Variants in ABCC1 observed in about 807,000 individuals in gnomAD.
ABCC1 encodes the protein multidrug resistance-associated protein 1.
Under a neutral mutation model 172.9 loss-of-function variants are expected in ABCC1, and 83 were observed. The observed-to-expected ratio is 0.48, with a 90% confidence interval of 0.40 to 0.58. ABCC1 has a LOEUF of 0.58. Among genes scored for constraint, ABCC1 ranks in the 20% least tolerant of loss-of-function variants. The pLI is 0.00. For missense variants in ABCC1, 1,817 were observed against 2,002.7 expected (o/e 0.91, Z 1.77); for synonymous variants, 937 against 825.2 (o/e 1.14, Z -2.32).
At chr16:15,963,616 A>T (rs2046184046) in intron 1 of ABCC1, among the ~76,000 whole-genome samples, 1 of 152,168 alleles carries the variant, frequency 6.6e-6, no homozygotes, top group Non-Finnish European at 1.5e-5. Context: ...TACCACATGG[A>T]AGCTGCCGAG....
chr16:15,983,757 T>C (rs2046682946), intron 1 of ABCC1, among the ~76,000 whole-genome samples: 1 of 144,932 alleles, frequency 6.9e-6, no homozygotes, highest in Non-Finnish European at 1.5e-5. Flanking sequence ...GGTTTCATCA[T>C]GTTGGCCAGG....
At chr16:16,137,545 C>CTTTTTT (rs151237296) in intron 29 of ABCC1, among the ~76,000 whole-genome samples, 1 of 56,682 alleles carries the variant, frequency 1.8e-5, no homozygotes, top group African/African-American at 5.8e-5. Flanking sequence ...GGTATGAGGC[C>CTTTTTT]TTTTTTTTTT....
At chr16:16,109,604 C>G (rs1299220592) in intron 21 of ABCC1, among the ~76,000 whole-genome samples, 1 of 152,188 alleles carries the variant, frequency 6.6e-6, no homozygotes, top group Non-Finnish European at 1.5e-5. Context: ...TGGCCTAAAG[C>G]AGATTGCCCT....
intron 13 of ABCC1, among the ~76,000 whole-genome samples, chr16:16,071,261 T>TTA (rs1555493161): frequency 1.0e-5 from 1 of 95,426 alleles, no homozygotes; most frequent in African/African-American, 5.0e-5. Context: ...ATTTTATGTA[T>TTA]TTTTTTTTTT....
intron 19 of ABCC1, among the ~76,000 whole-genome samples, chr16:16,090,952 A>G (rs1348078436): frequency 6.6e-6 from 1 of 152,092 alleles, no homozygotes; most frequent in East Asian, 1.9e-4. Context: ...CGGGGCTGAG[A>G]GAAACTGAGG....
In ABCC1 at chr16:16,020,728, T is replaced by C. The variant is rs575279987; in HGVS notation, c.615+4107T>C. On this transcript the variant is annotated intron_variant, in intron 5 of 30. Coordinates refer to ENST00000399410, the MANE Select transcript of ABCC1 (RefSeq NM_004996.4). The stretch of plus-strand genomic sequence containing the variant: ...TCCATTTGCAGGCATTCTTTCTTCC[T>C]ATGCAAGGCAAGGACGGGAATCGAC... Among the ~76,000 whole-genome samples the C allele has an allele frequency of 2.6e-5, 4 of 152,326 alleles. 1 individual carries two copies. The South Asian group carries it at 8.3e-4, about 32-fold the overall frequency.
At chr16:15,971,795 C>G (rs61688128) in intron 1 of ABCC1, among the ~76,000 whole-genome samples, 1 of 151,980 alleles carries the variant, frequency 6.6e-6, no homozygotes, top group African/African-American at 2.4e-5. Flanking sequence ...CAAAATGATA[C>G]GGCTCCGATG....
chr16:16,085,975 G>A lies in ABCC1; in HGVS notation c.2293-849G>A, dbSNP rs987327314. Among the ~76,000 whole-genome samples, 6 of 152,216 alleles carry A rather than the reference G, an allele frequency of 3.9e-5. 1 individual carries two copies. The highest frequency in any genetic ancestry group is 4.4e-5 in the Non-Finnish European group (3 of 68,048). On this transcript the variant is annotated intron_variant, in intron 17 of 30. Transcript: ENST00000399410. ...TGTCCTTCCTCCTGGTGACTGGGAT[G>A]TGGGCTGGATTTCAGCATCCCCAGG...
intron 7 of ABCC1, among the ~76,000 whole-genome samples, chr16:16,043,647 G>T (rs1236292509): frequency 6.6e-6 from 1 of 151,426 alleles, no homozygotes; most frequent in Non-Finnish European, 1.5e-5. Context: ...TGTCACCCAG[G>T]CTGGAGTGCA....
intron 12 of ABCC1, among the ~76,000 whole-genome samples, chr16:16,058,292 T>C (rs2049758206): frequency 6.6e-6 from 1 of 152,234 alleles, no homozygotes; most frequent in Non-Finnish European, 1.5e-5. Context: ...TTGTTTTTTC[T>C]TTCTGTCTTT....
chr16:16,033,808 G>A (rs976729738), intron 6 of ABCC1, among the ~76,000 whole-genome samples: 2 of 151,826 alleles, frequency 1.3e-5, no homozygotes, highest in Admixed American at 6.6e-5. Context: ...ATTTTTAGTA[G>A]AGACAGAGTT....
intron 26 of ABCC1, among the ~76,000 whole-genome samples, chr16:16,127,848 A>C (rs2045500975): frequency 6.6e-6 from 1 of 151,836 alleles, no homozygotes; most frequent in African/African-American, 2.4e-5. Flanking sequence ...TGAGGAACCA[A>C]GGGTGTATTA....
In ABCC1 at chr16:16,071,677, C is replaced by G; in HGVS notation, c.1860C>G (p.Leu620=). 3 of 1,614,070 alleles carry G rather than the reference C, an allele frequency of 1.9e-6. No individual in the cohort carries two copies. The highest frequency in any genetic ancestry group is 2.5e-6 in the Non-Finnish European group (3 of 1,179,984). ...CCCTCAAACGCCTGAGGATCTTTCT[C>G]TCCCATGAGGAGCTGGAACCTGACA... ...SVSLKRLRIF[L]SHEELEPDSI... Residue 620 remains leucine (L), a synonymous_variant, in exon 14 of 31, where the codon CTC becomes CTG. Transcript: ENST00000399410.
rs570616515 is a variant in ABCC1, at chr16:15,986,513, G to A, written c.49-21303G>A. On this transcript the variant is annotated intron_variant, in intron 1 of 30. Coordinates refer to ENST00000399410, the MANE Select transcript of ABCC1 (RefSeq NM_004996.4). ...GTGAACCCTAACGTGAACCGTGCAT[G>A]CGAGGGACCTAGGCTGTGTGCTCCT... is the stretch of plus-strand genomic sequence containing the variant. Among the ~76,000 whole-genome samples the A allele has an allele frequency of 3.9e-5, 6 of 152,296 alleles. No homozygotes were observed. The South Asian group carries it at 1.2e-3, about 32-fold the overall frequency.
chr16:16,063,532 A>G (rs902866218), intron 12 of ABCC1, among the ~76,000 whole-genome samples: 11 of 152,098 alleles, frequency 7.2e-5, no homozygotes, highest in African/African-American at 2.7e-4. Flanking sequence ...AATAAATCAT[A>G]TTAATTAGGA....
At chr16:16,141,118 G>A (rs1003223959) in intron 30 of ABCC1, 55 bp from the exon 31 acceptor site, 2 of 1,517,706 alleles carry the variant, frequency 1.3e-6, no homozygotes, top group Admixed American at 1.7e-5. Flanking sequence ...TGTCCCAGGG[G>A]CACGAGGTGC....
intron 19 of ABCC1, among the ~76,000 whole-genome samples, chr16:16,101,433 C>T (rs1166967360): frequency 2.6e-5 from 4 of 152,156 alleles, no homozygotes. Context: ...TGATCTGCAG[C>T]CCCCTCTTCC....
chr16:16,094,553 G>A (rs35851401), intron 19 of ABCC1: 41,280 of 153,116 alleles, frequency 0.27, 5,632 homozygotes, highest in East Asian at 0.36. Context: ...TTGCTCTGTC[G>A]CCCAGGCTGG....
At chr16:16,017,042 A>T (rs922268343) in intron 5 of ABCC1, among the ~76,000 whole-genome samples, 1 of 152,014 alleles carries the variant, frequency 6.6e-6, no homozygotes, top group Non-Finnish European at 1.5e-5. Context: ...CTGTTGTATT[A>T]TACTGGCATG....
Sources: allele counts gnomAD v4.1 joint callset (sites outside exome capture counted in the v4.1 genomes callset), GRCh38; gene constraint gnomAD v4.1.1; transcripts MANE v1.5; gene names NCBI Gene and HGNC (gene_info 2026-07-23, HGNC 2026-07-21).